CDKAL1: variants seen among roughly 807,000 people sequenced by gnomAD.
CDKAL1 encodes the protein threonylcarbamoyladenosine tRNA methylthiotransferase.
CDKAL1 carries 32 observed loss-of-function variants against 68.2 expected under a neutral mutation model. The ratio of observed to expected loss-of-function variants is 0.47; its 90% CI spans 0.35 to 0.63. The LOEUF (loss-of-function observed/expected upper bound fraction) is 0.63, where lower values mean the gene tolerates loss of function less well. Ranked by LOEUF, CDKAL1 falls within the 30% of genes least tolerant of loss-of-function variation. The pLI is 0.00. For synonymous variants in CDKAL1, 234 were observed against 244.3 expected, an observed-to-expected ratio of 0.96 and a Z score of 0.39; for missense variants, 606 against 696.7, an observed-to-expected ratio of 0.87 and a Z score of 1.47.
At chr6:21,013,903 G>C (rs973865923) in intron 11 of CDKAL1, among the ~76,000 whole-genome samples, 3 of 152,150 alleles carry the variant, frequency 2.0e-5, no homozygotes, top group Non-Finnish European at 4.4e-5. Flanking sequence ...AAAAAGAAAA[G>C]AAAAGCTTAA....
At chr6:20,568,751 CA>C (rs576218984) in intron 4 of CDKAL1, among the ~76,000 whole-genome samples, 32,837 of 133,816 alleles carry the variant, frequency 0.25, 5,341 homozygotes, top group East Asian at 0.54. Flanking sequence ...AAAAAAAAAA[CA>C]AAAAAACAAA....
chr6:21,133,182 C>T (rs1327205583), intron 13 of CDKAL1, among the ~76,000 whole-genome samples: 1 of 152,170 alleles, frequency 6.6e-6, no homozygotes, highest in African/African-American at 2.4e-5. Flanking sequence ...GATGCCAATT[C>T]ACGTGTCAGG....
At chr6:20,616,585 C>G (rs111421893) in intron 4 of CDKAL1, among the ~76,000 whole-genome samples, 5,509 of 146,428 alleles carry the variant, frequency 0.038, 123 homozygotes, top group Middle Eastern at 0.079. Context: ...CTCTGTTTGT[C>G]TGTTATTGGT....
chr6:20,555,688 T>A (rs1764011170), intron 4 of CDKAL1, among the ~76,000 whole-genome samples: 1 of 141,964 alleles, frequency 7.0e-6, no homozygotes, highest in Admixed American at 7.3e-5. Flanking sequence ...AGTGGCGCTA[T>A]CTTAGCTCGC....
At chr6:20,961,790 CAAA>C in intron 10 of CDKAL1, among the ~76,000 whole-genome samples, 1 of 119,364 alleles carries the variant, frequency 8.4e-6, no homozygotes, top group East Asian at 2.5e-4. Flanking sequence ...AAAAGAAAAA[CAAA>C]AAAAAAACAT....
At chr6:21,081,987 AAGAGCT>A (rs1027244725) in intron 12 of CDKAL1, among the ~76,000 whole-genome samples, 4 of 144,352 alleles carry the variant, frequency 2.8e-5, no homozygotes, top group African/African-American at 1.0e-4. Flanking sequence ...TTCCAAGTAT[AAGAGCT>A]ATGTATAATG....
chr6:20,956,592 A>G (rs1190394552), intron 10 of CDKAL1, among the ~76,000 whole-genome samples: 5 of 152,200 alleles, frequency 3.3e-5, no homozygotes, highest in Non-Finnish European at 5.9e-5. Flanking sequence ...GTGCAGAAAA[A>G]TAACATCCCA....
At chr6:21,211,385 C>T (rs993535440) in intron 15 of CDKAL1, among the ~76,000 whole-genome samples, 3 of 152,310 alleles carry the variant, frequency 2.0e-5, no homozygotes, top group East Asian at 1.9e-4. Context: ...GGCTGCGCTT[C>T]GGTAACAAAT....
intron 5 of CDKAL1, among the ~76,000 whole-genome samples, chr6:20,718,421 T>G (rs772584272): frequency 8.5e-5 from 13 of 152,198 alleles, no homozygotes; most frequent in Non-Finnish European, 4.4e-5. Context: ...TTGTTTTTCA[T>G]CTTACAGAGG....
chr6:21,053,834 A>G (rs1268214902), intron 11 of CDKAL1, among the ~76,000 whole-genome samples: 3 of 152,150 alleles, frequency 2.0e-5, no homozygotes, highest in Non-Finnish European at 4.4e-5. Flanking sequence ...TTAGTGAGTC[A>G]TAGTTCTCAA....
At chr6:20,584,650 C>G (rs1418474518) in intron 4 of CDKAL1, among the ~76,000 whole-genome samples, 1 of 152,132 alleles carries the variant, frequency 6.6e-6, no homozygotes, top group Non-Finnish European at 1.5e-5. Flanking sequence ...TTAGGTAGTT[C>G]TAAGAATGTA....
intron 4 of CDKAL1, among the ~76,000 whole-genome samples, chr6:20,647,384 C>T (rs569839616): frequency 6.6e-6 from 1 of 152,312 alleles, no homozygotes; most frequent in East Asian, 1.9e-4. Context: ...CATGTGGTCC[C>T]ACACATTGCC....
At chr6:21,151,001 A>T (rs942981455) in intron 13 of CDKAL1, among the ~76,000 whole-genome samples, 1 of 152,214 alleles carries the variant, frequency 6.6e-6, no homozygotes, top group African/African-American at 2.4e-5. Flanking sequence ...TGTCCCTCTG[A>T]TCTTAGCCTA....
chr6:21,191,046 C>G (rs556408473), intron 13 of CDKAL1, among the ~76,000 whole-genome samples: 65 of 152,330 alleles, frequency 4.3e-4, no homozygotes, highest in African/African-American at 1.5e-3. Flanking sequence ...TTTGCTTTTT[C>G]TAGTCCAAAG....
intron 15 of CDKAL1, among the ~76,000 whole-genome samples, chr6:21,220,241 T>C (rs1779490106): frequency 6.6e-6 from 1 of 152,140 alleles, no homozygotes; most frequent in Non-Finnish European, 1.5e-5. Context: ...TGTGCACTTG[T>C]CCATATATCT....
chr6:20,755,289 A>G (rs1193083808), intron 6 of CDKAL1, among the ~76,000 whole-genome samples: 1 of 152,152 alleles, frequency 6.6e-6, no homozygotes, highest in African/African-American at 2.4e-5. Flanking sequence ...TTCATCATAC[A>G]TCAGTTCCAG....
intron 4 of CDKAL1, among the ~76,000 whole-genome samples, chr6:20,595,223 C>G (rs1421829601): frequency 6.6e-6 from 1 of 152,124 alleles, no homozygotes; most frequent in Non-Finnish European, 1.5e-5. Context: ...GGCATGTCTT[C>G]TAGGTTGGGG....
chr6:21,136,575 A>G (rs1368692607), intron 13 of CDKAL1, among the ~76,000 whole-genome samples: 2 of 152,238 alleles, frequency 1.3e-5, no homozygotes, highest in African/African-American at 4.8e-5. Flanking sequence ...TGCTAGCTTC[A>G]TGCCTGAAAA....
intron 5 of CDKAL1, among the ~76,000 whole-genome samples, chr6:20,714,616 ATTC>A (rs1772005983): frequency 6.6e-6 from 1 of 151,802 alleles, no homozygotes; most frequent in South Asian, 2.1e-4. Context: ...ATTATTGTCT[ATTC>A]TTGTTCACTA....
Sources: allele counts gnomAD v4.1 joint callset (sites outside exome capture counted in the v4.1 genomes callset), GRCh38; gene constraint gnomAD v4.1.1; transcripts MANE v1.5; gene names NCBI Gene and HGNC (gene_info 2026-07-23, HGNC 2026-07-21).